The following PIEZO2 variants were observed in gnomAD, a reference collection of about 807,000 sequenced individuals.
PIEZO2 encodes the protein piezo-type mechanosensitive ion channel component 2.
A neutral mutation model predicts 337.3 loss-of-function variants in PIEZO2; 172 were observed. The observed-to-expected ratio is 0.51, with a 90% CI of 0.45 to 0.58. PIEZO2 has a LOEUF of 0.58. Ranked by LOEUF, PIEZO2 falls within the 20% of genes least tolerant of loss-of-function variation. PIEZO2 has a pLI of 0.00. For synonymous variants in PIEZO2, 1,251 were observed against 1,228.5 expected (o/e 1.02, Z -0.38); for missense variants, 3,028 against 3,391.3 (o/e 0.89, Z 2.66).
rs577048866 is a variant in PIEZO2 at position 11,133,293 on chromosome 18, T to C, written c.64+15232A>G. Among the ~76,000 whole-genome samples the C allele has an allele frequency of 2.0e-5, 3 of 152,320 alleles. No homozygotes were observed. The South Asian group carries it at 6.2e-4, about 32-fold the overall frequency. On this transcript the variant is annotated intron_variant, in intron 1 of 55. Transcript: ENST00000674853. ...GGTTGGGGATTGGCACGTTTCCGGT[T>C]GTACAAGGGATAGTTGTGTTATGGT...
At chr18:11,015,396 T>G (rs1345852078) in intron 2 of PIEZO2, among the ~76,000 whole-genome samples, 1 of 152,186 alleles carries the variant, frequency 6.6e-6, no homozygotes, top group African/African-American at 2.4e-5. Flanking sequence ...TCACCAAACC[T>G]CCCTGATTTC....
chr18:10,982,369 T>TA lies in PIEZO2; in HGVS notation c.161-2710dup, dbSNP rs146082360. Among the ~76,000 whole-genome samples, 37 of 148,650 alleles carry TA rather than the reference T, an allele frequency of 2.5e-4. No homozygotes were observed. Among genetic ancestry groups the TA allele is most frequent in the South Asian group, 8.5e-4 (4 of 4,696 alleles). ...CTTAAGACCGTTCTTGACAAAATTG[T>TA]AAAAAAAAAATAGAAAAACAAATAA... On this transcript the variant is annotated intron_variant, in intron 2 of 55. Coordinates refer to ENST00000674853, the MANE Select transcript of PIEZO2 (RefSeq NM_001378183.1). The surrounding 1 kb of genome is among the most constrained non-coding windows in gnomAD (Gnocchi z 4.1).
At chr18:11,020,651 G>C (rs1256424950) in intron 2 of PIEZO2, among the ~76,000 whole-genome samples, 1 of 152,074 alleles carries the variant, frequency 6.6e-6, no homozygotes, top group East Asian at 1.9e-4. Flanking sequence ...CATGCCACTA[G>C]CCTTTTGCCA....
rs1290321557 is a variant in PIEZO2, at chr18:10,834,807, G to C, written c.917+20546C>G. On this transcript the variant is annotated intron_variant, in intron 7 of 55. Coordinates refer to ENST00000674853, the MANE Select transcript of PIEZO2 (RefSeq NM_001378183.1). This position sits in a 1 kb window ranked among gnomAD's most constrained non-coding sequence, Gnocchi z 4.5. ...GGCTCTTCCTTTAAGTTTCTTCCCC[G>C]CTAGCTTTCACAAGAAACTCCAGTG... Among the ~76,000 whole-genome samples, 1 of 152,098 alleles carries C rather than the reference G, an allele frequency of 6.6e-6. No homozygotes were observed. Among genetic ancestry groups the C allele is most frequent in the African/African-American group, 2.4e-5 (1 of 41,406 alleles).
chr18:11,079,999 T>A (rs545842316), intron 1 of PIEZO2, among the ~76,000 whole-genome samples: 1 of 152,262 alleles, frequency 6.6e-6, no homozygotes, highest in East Asian at 1.9e-4. Context: ...ACGGTCAATA[T>A]CCACCATTTA....
Position 11,149,300 on chromosome 18 carries a change from C to T in PIEZO2, c.-712G>A, listed in dbSNP as rs2040893601. 6.6e-6 allele frequency among the ~76,000 whole-genome samples: 1 copy of T among 151,694 alleles called. No homozygotes were observed. The highest frequency in any genetic ancestry group is 1.5e-5 in the Non-Finnish European group (1 of 67,886). Reference sequence around the variant, plus strand: ...GCGCGCAGAACCATCCCCGCCACCACGGGGCTCGCCTTGTGGGTCCGGTGC... The same window carrying T: ...GCGCGCAGAACCATCCCCGCCACCATGGGGCTCGCCTTGTGGGTCCGGTGC... On this transcript the variant is annotated 5_prime_UTR_variant, in exon 1 of 56. In the 5' UTR this introduces an upstream ATG that the reference lacks. Coordinates refer to ENST00000674853, the MANE Select transcript of PIEZO2 (RefSeq NM_001378183.1). The surrounding 1 kb of genome is among the most constrained non-coding windows in gnomAD (Gnocchi z 8.7).
At position 11,035,416 on chromosome 18, in the gene PIEZO2, G is replaced by C. The variant is rs1598861339; in HGVS notation, c.160+30711C>G. On this transcript the variant is annotated intron_variant, in intron 2 of 55. Transcript: ENST00000674853. This position sits in a 1 kb window ranked among gnomAD's most constrained non-coding sequence, Gnocchi z 4.3. ...TCCACAATGAGTAAAAGCTTCCTGA[G>C]GTCTTGACCAGAAGAACGCCAGTGC... Among the ~76,000 whole-genome samples, 1 of 152,158 alleles carries C rather than the reference G, an allele frequency of 6.6e-6. No individual in the cohort carries two copies. Among genetic ancestry groups the C allele is most frequent in the South Asian group, 2.1e-4 (1 of 4,802 alleles).
intron 2 of PIEZO2, among the ~76,000 whole-genome samples, chr18:11,025,707 G>T (rs1408781844): frequency 6.6e-6 from 1 of 152,198 alleles, no homozygotes; most frequent in Non-Finnish European, 1.5e-5. Context: ...TCAGGACACA[G>T]ATAGGGGAAG....
intron 39 of PIEZO2, among the ~76,000 whole-genome samples, chr18:10,711,481 T>C (rs2035818089): frequency 6.6e-6 from 1 of 152,176 alleles, no homozygotes; most frequent in Non-Finnish European, 1.5e-5. Context: ...TGGGAGACTA[T>C]ATGGCTTCAT....
At chr18:10,967,245 C>T (rs1033234897) in intron 3 of PIEZO2, among the ~76,000 whole-genome samples, 2 of 152,062 alleles carry the variant, frequency 1.3e-5, no homozygotes. Flanking sequence ...TCTCAATCTC[C>T]TGACCTCATG....
At chr18:10,916,169 T>G (rs550348108) in intron 3 of PIEZO2, among the ~76,000 whole-genome samples, 4 of 152,232 alleles carry the variant, frequency 2.6e-5, no homozygotes, top group African/African-American at 9.6e-5. Flanking sequence ...GCATATACAG[T>G]CCTCCAGCTA....
At chr18:10,772,314 G>A (rs143882494) in intron 20 of PIEZO2, among the ~76,000 whole-genome samples, 118 of 152,278 alleles carry the variant, frequency 7.7e-4, no homozygotes, top group African/African-American at 2.7e-3. Flanking sequence ...TGATTTAGAC[G>A]TGTAGCTGCC....
intron 49 of PIEZO2, among the ~76,000 whole-genome samples, chr18:10,685,636 C>T (rs1403779973): frequency 6.6e-6 from 1 of 152,190 alleles, no homozygotes; most frequent in Non-Finnish European, 1.5e-5. Flanking sequence ...GCTGCCGCTT[C>T]TTCCAACAAA....
At chr18:10,811,684 T>C (rs2040195070) in intron 7 of PIEZO2, among the ~76,000 whole-genome samples, 1 of 152,234 alleles carries the variant, frequency 6.6e-6, no homozygotes, top group Admixed American at 6.5e-5. Context: ...AGTGCACTTT[T>C]ATTTACCTAA....
At chr18:10,801,547 T>G in intron 9 of PIEZO2, 119 bp from the exon 10 acceptor site, 2 of 839,270 alleles carry the variant, frequency 2.4e-6, no homozygotes, top group Non-Finnish European at 3.7e-6. Context: ...TGATTGCTAG[T>G]ATATTAATAT....
intron 3 of PIEZO2, among the ~76,000 whole-genome samples, chr18:10,957,280 C>T (rs264185): frequency 0.38 from 58,364 of 151,708 alleles, 12,624 homozygotes; most frequent in Non-Finnish European, 0.49. Context: ...GCCTGTAATC[C>T]CAGCTACTTG....
At chr18:10,882,720 T>G (rs2042456328) in intron 4 of PIEZO2, among the ~76,000 whole-genome samples, 1 of 152,156 alleles carries the variant, frequency 6.6e-6, no homozygotes, top group Admixed American at 6.6e-5. Flanking sequence ...GATGGTTGTC[T>G]TTCTGTGCAT....
intron 1 of PIEZO2, among the ~76,000 whole-genome samples, chr18:11,145,179 A>G (rs1190102623): frequency 1.3e-5 from 2 of 152,214 alleles, no homozygotes; most frequent in African/African-American, 4.8e-5. Flanking sequence ...GGAGATATTT[A>G]AAGTTTTTGG....
chr18:10,761,221 A>C, intron 23 of PIEZO2, 110 bp from the exon 24 acceptor site: 2 of 968,946 alleles, frequency 2.1e-6, no homozygotes, highest in Non-Finnish European at 3.0e-6. Flanking sequence ...ATAAAAGCTC[A>C]CCTCTCTTAA....
Sources: allele counts gnomAD v4.1 joint callset (sites outside exome capture counted in the v4.1 genomes callset), GRCh38; gene constraint gnomAD v4.1.1; non-coding constraint Gnocchi (gnomAD v3.1); transcripts MANE v1.5; gene names NCBI Gene and HGNC (gene_info 2026-07-23, HGNC 2026-07-21).